The following KIT variants were observed in gnomAD, a reference collection of about 807,000 sequenced individuals.
KIT encodes KIT proto-oncogene, receptor tyrosine kinase.
Under a neutral mutation model 105.7 loss-of-function variants are expected in KIT, and 16 were observed. That is an observed-to-expected ratio of 0.15 (90% CI 0.10 to 0.23). KIT has a LOEUF of 0.23. KIT is among the 10% of genes least tolerant of loss of function. The pLI is 1.00. For missense variants in KIT, 858 were observed against 1,213.8 expected (o/e 0.71, Z 4.36); for synonymous variants, 438 against 441.1 (o/e 0.99, Z 0.09).
intron 13 of KIT, 44 bp downstream of exon 13, chr4:54,728,165 C>G: frequency 1.5e-6 from 2 of 1,328,296 alleles, no homozygotes; most frequent in Non-Finnish European, 2.2e-6. Flanking sequence ...GTCAGGTTAT[C>G]AAAACATGAC....
At chr4:54,733,597 T>C (rs1024487967) in intron 17 of KIT, among the ~76,000 whole-genome samples, 1 of 152,134 alleles carries the variant, frequency 6.6e-6, no homozygotes, top group Non-Finnish European at 1.5e-5. Flanking sequence ...GAGTTAGCCA[T>C]ATAGAATGTT....
intron 2 of KIT, among the ~76,000 whole-genome samples, chr4:54,696,808 TGCAAAGAGATATACCCTGGTAA>T (rs897850479): frequency 2.6e-5 from 4 of 152,270 alleles, no homozygotes; most frequent in African/African-American, 9.6e-5. Context: ...AGTAGGTAGC[TGCAAAGAGATATACCCTGGTAA>T]GTCACCACTT....
chr4:54,726,158 A>G (rs769629954), intron 9 of KIT, 108 bp downstream of exon 9: 27 of 871,276 alleles, frequency 3.1e-5, no homozygotes, highest in East Asian at 7.8e-5. Context: ...CTGGTAATAC[A>G]TGCATCACAC....
At chr4:54,715,168 G>C (rs1045477593) in intron 7 of KIT, among the ~76,000 whole-genome samples, 2 of 152,078 alleles carry the variant, frequency 1.3e-5, no homozygotes, top group Non-Finnish European at 2.9e-5. Context: ...AAGGCTTCTC[G>C]ATGAGAAAGA....
chr4:54,725,691 C>T (rs904980808), intron 8 of KIT, among the ~76,000 whole-genome samples, 166 bp from the exon 9 acceptor site: 2 of 152,186 alleles, frequency 1.3e-5, no homozygotes, highest in Non-Finnish European at 1.5e-5. Context: ...GTGCTTTTTT[C>T]ACTCACTAGG....
At chr4:54,717,602 A>G (rs1721588743) in intron 7 of KIT, among the ~76,000 whole-genome samples, 1 of 152,004 alleles carries the variant, frequency 6.6e-6, no homozygotes, top group Non-Finnish European at 1.5e-5. Context: ...ATATTGTGGA[A>G]CTTCCACTCT....
At chr4:54,658,129 C>A (rs758923885) in intron 1 of KIT, 48 bp downstream of exon 1, 1 of 1,590,726 alleles carries the variant, frequency 6.3e-7, no homozygotes, top group South Asian at 1.1e-5. Context: ...CTCGGCGAAG[C>A]CTGTGCCTGG....
intron 3 of KIT, 42 bp downstream of exon 3, chr4:54,698,607 A>G: frequency 6.2e-7 from 1 of 1,605,452 alleles, no homozygotes; most frequent in Non-Finnish European, 8.5e-7. Context: ...TTGAGAACTC[A>G]CTTATCTAAA....
chr4:54,679,729 G>A (rs1268895448), intron 1 of KIT, among the ~76,000 whole-genome samples: 1 of 152,170 alleles, frequency 6.6e-6, no homozygotes, highest in East Asian at 1.9e-4. Context: ...CATAATTGAA[G>A]ACAGGTTTTA....
intron 6 of KIT, among the ~76,000 whole-genome samples, chr4:54,708,246 T>C (rs1720914917): frequency 6.6e-6 from 1 of 152,114 alleles, no homozygotes; most frequent in African/African-American, 2.4e-5. Flanking sequence ...GATTTGAGAT[T>C]GATAGTGGGA....
intron 4 of KIT, 119 bp downstream of exon 4, chr4:54,699,885 T>A: frequency 9.4e-7 from 1 of 1,061,912 alleles, no homozygotes; most frequent in South Asian, 1.3e-5. Flanking sequence ...AGGTGGATTG[T>A]CTGGGAGAGT....
At chr4:54,662,504 T>A (rs1717354121) in intron 1 of KIT, among the ~76,000 whole-genome samples, 2 of 152,204 alleles carry the variant, frequency 1.3e-5, no homozygotes, top group Admixed American at 1.3e-4. Context: ...AAACAGGAAT[T>A]ATTATTGTCC....
intron 7 of KIT, among the ~76,000 whole-genome samples, chr4:54,718,043 G>A (rs1186734542): frequency 6.6e-6 from 1 of 152,174 alleles, no homozygotes; most frequent in Non-Finnish European, 1.5e-5. Flanking sequence ...GTTTAGAACA[G>A]GGGTTGGTAG....
intron 1 of KIT, among the ~76,000 whole-genome samples, chr4:54,665,503 C>T (rs1390745518): frequency 1.3e-5 from 2 of 152,060 alleles, no homozygotes; most frequent in Non-Finnish European, 2.9e-5. Flanking sequence ...AGAAAGCGCC[C>T]TTAAGAGACA....
chr4:54,703,666 C>G (rs927816551), intron 4 of KIT, 58 bp from the exon 5 acceptor site: 8 of 1,403,080 alleles, frequency 5.7e-6, no homozygotes, highest in Non-Finnish European at 8.0e-6. Context: ...AGGAAAGATT[C>G]TGAATATAAA....
rs878853770 is a variant in KIT, at chr4:54,703,866, A to G, written c.899A>G (p.Asn300Ser). 6.2e-7 allele frequency: 1 copy of G among 1,613,920 alleles called. No individual in the cohort carries two copies. Among genetic ancestry groups the G allele is most frequent in the Non-Finnish European group, 8.5e-7 (1 of 1,179,798 alleles). ...CYANNTFGSA[N>S]VTTTLEVVDK... ...GCCAATAATACTTTTGGATCAGCAA[A>G]TGTCACAACAACCTTGGAAGTAGTA... The change falls in exon 5 of 21, where the codon AAT becomes AGT. Residue 300 changes from asparagine to serine, a missense_variant. Physicochemically the swap from Asn to Ser is conservative, Grantham distance 46. Around this residue, in one of 7 missense-constraint regions of KIT, gnomAD observed 401 missense variants for 601.0 expected, o/e 0.67. Transcript: ENST00000288135.
chr4:54,737,461 C>T (rs576824631), intron 20 of KIT, among the ~76,000 whole-genome samples, 181 bp downstream of exon 20: 39 of 152,238 alleles, frequency 2.6e-4, no homozygotes, highest in African/African-American at 9.2e-4. Flanking sequence ...GCCCAGCCCT[C>T]CTGTTCTGAG....
In KIT at chr4:54,727,293, T is replaced by C. The variant is rs781371383; in HGVS notation, c.1616T>C (p.Ile539Thr). The change falls in exon 10 of 21, where the codon ATT becomes ACT. Residue 539 changes from isoleucine to threonine, a missense_variant. By Grantham distance (89) the Ile-to-Thr change is moderately conservative. Around this residue, in one of 7 missense-constraint regions of KIT, gnomAD observed 78 missense variants for 77.6 expected, o/e 1.01. Transcript: ENST00000288135. ...FVIVAGMMCIIVMILTYKYLQ... is the reference protein window; with the variant it reads ...FVIVAGMMCITVMILTYKYLQ... ...ATCGTAGCTGGCATGATGTGCATTA[T>C]TGTGATGATTCTGACCTACAAATAT... 1.1e-5 allele frequency: 18 copies of C among 1,614,066 alleles called. No homozygotes were observed. The highest frequency in any genetic ancestry group is 1.5e-5 in the Non-Finnish European group (18 of 1,180,004).
intron 7 of KIT, among the ~76,000 whole-genome samples, chr4:54,712,673 T>C (rs1434599901): frequency 2.0e-5 from 3 of 152,188 alleles, no homozygotes; most frequent in Non-Finnish European, 4.4e-5. Flanking sequence ...GGTGAACCCA[T>C]GCTTATTTGA....
Sources: allele counts gnomAD v4.1 joint callset (sites outside exome capture counted in the v4.1 genomes callset), GRCh38; gene constraint gnomAD v4.1.1; regional missense constraint gnomAD v4.1.1; transcripts MANE v1.5; gene names NCBI Gene and HGNC (gene_info 2026-07-23, HGNC 2026-07-21).